AFF2: variants seen among roughly 807,000 people sequenced by gnomAD.
AFF2 encodes the protein AF4/FMR2 family member 2.
A neutral mutation model predicts 76.9 loss-of-function variants in AFF2; 14 were observed. That is an observed-to-expected ratio of 0.18 (90% CI 0.12 to 0.28). The LOEUF (loss-of-function observed/expected upper bound fraction) is 0.28. AFF2 is among the 10% of genes least tolerant of loss of function. AFF2 has a pLI of 1.00. For synonymous variants in AFF2, 398 were observed against 366.7 expected, an observed-to-expected ratio of 1.09 and a Z score of -0.98; for missense variants, 868 against 1,001.1, an observed-to-expected ratio of 0.87 and a Z score of 1.79.
At chrX:148,876,256 C>G (rs1365819226) in intron 7 of AFF2, among the ~76,000 whole-genome samples, 1 of 111,776 alleles carries the variant, frequency 8.9e-6, no homozygotes, top group Non-Finnish European at 1.9e-5. Context: ...ATAAGACACT[C>G]AGAAGTTCAA....
chrX:148,635,394 C>G (rs1208947194), intron 1 of AFF2, among the ~76,000 whole-genome samples: 1 of 111,579 alleles, frequency 9.0e-6, no homozygotes, highest in Admixed American at 9.5e-5. Context: ...TCCCCTGGAG[C>G]CTTCAGAAGG....
At chrX:148,942,673 G>A (rs1272292860) in intron 9 of AFF2, among the ~76,000 whole-genome samples, 3 of 110,257 alleles carry the variant, frequency 2.7e-5, no homozygotes, top group East Asian at 2.8e-4. Flanking sequence ...AAAATTAGCC[G>A]GGCATGGTGG....
At chrX:148,762,806 G>A (rs2069468174) in intron 3 of AFF2, among the ~76,000 whole-genome samples, 1 of 111,222 alleles carries the variant, frequency 9.0e-6, no homozygotes, top group Non-Finnish European at 1.9e-5. Context: ...GAAAGTACTT[G>A]TGCTACTTAA....
intron 3 of AFF2, among the ~76,000 whole-genome samples, chrX:148,743,071 G>A (rs1007479584): frequency 4.6e-4 from 51 of 111,880 alleles, no homozygotes; most frequent in Non-Finnish European, 8.6e-4. Context: ...CTGTCTAAAC[G>A]TTCAGGCTCA....
chrX:148,656,493 ATTTTT>A (rs1205846596), intron 2 of AFF2, among the ~76,000 whole-genome samples: 1 of 68,080 alleles, frequency 1.5e-5, no homozygotes, highest in East Asian at 4.1e-4. Flanking sequence ...TCCATGAGGA[ATTTTT>A]TTTTTTTTTT....
At chrX:148,685,628 A>G (rs2054592937) in intron 3 of AFF2, among the ~76,000 whole-genome samples, 1 of 111,604 alleles carries the variant, frequency 9.0e-6, no homozygotes, top group Non-Finnish European at 1.9e-5. Flanking sequence ...ATAAACAACA[A>G]TGATTCTGGT....
intron 3 of AFF2, among the ~76,000 whole-genome samples, chrX:148,806,581 A>G (rs1465155549): frequency 5.4e-5 from 6 of 111,937 alleles, no homozygotes; most frequent in Non-Finnish European, 1.1e-4. Flanking sequence ...TGCTGCCTCC[A>G]GTGTCTTTAA....
intron 8 of AFF2, among the ~76,000 whole-genome samples, chrX:148,891,859 A>G (rs2071228067): frequency 1.8e-5 from 2 of 112,004 alleles, no homozygotes; most frequent in African/African-American, 6.5e-5. Flanking sequence ...CCTTTAGGGC[A>G]TTATAACATT....
intron 9 of AFF2, among the ~76,000 whole-genome samples, chrX:148,912,864 T>C (rs1443401977): frequency 8.9e-6 from 1 of 111,920 alleles, no homozygotes; most frequent in Non-Finnish European, 1.9e-5. Flanking sequence ...ATCAGATCAG[T>C]GGGCAAAATG....
chrX:148,666,647 T>C lies in AFF2; in HGVS notation c.1041+3879T>C, dbSNP rs1027587350. ...AAATAAATAACAAAACTTCATGTCA[T>C]AGAGTTTATTAACATTCCTGGCAAC... On this transcript the variant is annotated intron_variant, in intron 3 of 20. Transcript: ENST00000370460. 4.5e-5 allele frequency among the ~76,000 whole-genome samples: 5 copies of C among 110,902 alleles called. No homozygotes were observed. In the East Asian group the frequency reaches 1.4e-3, roughly 31 times the overall value.
At chrX:148,598,064 T>C (rs1177333373) in intron 1 of AFF2, among the ~76,000 whole-genome samples, 2 of 112,114 alleles carry the variant, frequency 1.8e-5, no homozygotes, top group Admixed American at 1.9e-4. Flanking sequence ...GTAGTTTGGG[T>C]GTATGAAATT....
intron 3 of AFF2, among the ~76,000 whole-genome samples, chrX:148,763,609 G>A (rs782141943): frequency 3.5e-4 from 39 of 110,979 alleles, no homozygotes; most frequent in Non-Finnish European, 5.5e-4. Context: ...GAGATAATAC[G>A]AAAAAATGAA....
chrX:148,944,715 A>G (rs2071879294), intron 9 of AFF2, among the ~76,000 whole-genome samples: 1 of 110,449 alleles, frequency 9.1e-6, no homozygotes, highest in Admixed American at 9.6e-5. Context: ...TCCATTAGCC[A>G]ACGTTGGCCA....
chrX:148,852,389 G>GTTTTTTTTTTTTTTT, intron 7 of AFF2, among the ~76,000 whole-genome samples: 1 of 78,842 alleles, frequency 1.3e-5, no homozygotes, highest in Non-Finnish European at 2.4e-5. Flanking sequence ...CCAGCAGCTG[G>GTTTTTTTTTTTTTTT]TTTTTTTTTT....
chrX:148,987,436 C>T lies in AFF2; in HGVS notation c.3693C>T (p.Gly1231=), dbSNP rs140356860. 5.6e-4 allele frequency: 672 copies of T among 1,209,254 alleles called. No homozygotes were observed. The highest frequency in any genetic ancestry group is 6.4e-4 in the Non-Finnish European group (575 of 894,613). The change falls in exon 20 of 21, where the codon GGC becomes GGT. Residue 1231 remains glycine (G), a synonymous_variant. Transcript: ENST00000370460. Reference sequence around the variant, plus strand: ...ACGCAATGGGGAACTGTAACAATGGCCCAGTCACCATTCCCCAGCGCATTC... The same window carrying T: ...ACGCAATGGGGAACTGTAACAATGGTCCAGTCACCATTCCCCAGCGCATTC... ...PINAMGNCNN[G]PVTIPQRIHH... is the part of the protein sequence containing the mutation.
chrX:148,761,541 G>T (rs1557267276), intron 3 of AFF2, among the ~76,000 whole-genome samples: 1 of 101,987 alleles, frequency 9.8e-6, no homozygotes, highest in African/African-American at 3.7e-5. Flanking sequence ...AGTCTACCTT[G>T]ATTTTCTGGG....
intron 3 of AFF2, among the ~76,000 whole-genome samples, chrX:148,708,499 TGAAAATATTACAGTCA>T (rs1299941773): frequency 8.9e-6 from 1 of 112,161 alleles, no homozygotes; most frequent in Non-Finnish European, 1.9e-5. Context: ...CTAATCTAAA[TGAAAATATTACAGTCA>T]CTAGAAATAT....
At chrX:148,801,165 T>G (rs1253705432) in intron 3 of AFF2, among the ~76,000 whole-genome samples, 6 of 112,048 alleles carry the variant, frequency 5.4e-5, no homozygotes, top group Admixed American at 4.8e-4. Context: ...AAGCCTCTTC[T>G]AGATTAGAGC....
At chrX:148,898,762 C>CTAGTCATT (rs1557280592) in intron 8 of AFF2, among the ~76,000 whole-genome samples, 1 of 111,585 alleles carries the variant, frequency 9.0e-6, no homozygotes, top group Non-Finnish European at 1.9e-5. Context: ...ATGAGTTTGC[C>CTAGTCATT]TAGTCATTCT....
Sources: gnomAD v4.1 joint callset for allele counts (sites outside exome capture counted in the v4.1 genomes callset) on GRCh38, gnomAD v4.1.1 for gene constraint, MANE v1.5 for transcripts, NCBI Gene and HGNC (gene_info 2026-07-23, HGNC 2026-07-21) for gene names.